HMCN1: variants seen among roughly 807,000 people sequenced by gnomAD.
HMCN1 encodes hemicentin 1.
A neutral mutation model predicts 625.9 loss-of-function variants in HMCN1; 321 were observed. The ratio of observed to expected loss-of-function variants is 0.51; its 90% CI spans 0.47 to 0.56. The LOEUF (loss-of-function observed/expected upper bound fraction) is 0.56, where lower values mean the gene tolerates loss of function less well. Ranked by LOEUF, HMCN1 falls within the 20% of genes least tolerant of loss-of-function variation. The probability of loss-of-function intolerance (pLI) is 0.00; values close to 1 mark genes in which losing one functional copy is unlikely to be tolerated. For missense variants in HMCN1, 6,588 were observed against 6,887.3 expected (o/e 0.96, Z 1.54); for synonymous variants, 2,425 against 2,417.6 (o/e 1.00, Z -0.09).
rs541063056 is a variant in HMCN1 at position 186,153,453 on chromosome 1, A to AT, written c.15019-295dup. Among the ~76,000 whole-genome samples, 30 of 152,332 alleles carry AT rather than the reference A, an allele frequency of 2.0e-4. No individual in the cohort carries two copies. The Middle Eastern group carries it at 0.014, about 69-fold the overall frequency. On this transcript the variant is annotated intron_variant, in intron 96 of 106. Transcript: ENST00000271588. ...CAAGCAGATCCACATTCAGATCCTC[A>AT]TTCCGCCACTTTGTACCAATGTAAT... is the stretch of plus-strand genomic sequence containing the variant.
chr1:185,994,749 G>A (rs181281169), intron 23 of HMCN1, 66 bp from the exon 24 acceptor site: 12 of 1,506,318 alleles, frequency 8.0e-6, no homozygotes, highest in Middle Eastern at 3.4e-4. Flanking sequence ...AGGAGCTCTC[G>A]TTTAAAGTGA....
intron 36 of HMCN1, among the ~76,000 whole-genome samples, chr1:186,030,283 T>C (rs1655334875): frequency 6.6e-6 from 1 of 152,100 alleles, no homozygotes; most frequent in African/African-American, 2.4e-5. Flanking sequence ...GAAAGTGGGA[T>C]ATCGAAGTCT....
chr1:185,968,891 A>G (rs941377613), intron 14 of HMCN1, among the ~76,000 whole-genome samples: 2 of 152,202 alleles, frequency 1.3e-5, no homozygotes, highest in African/African-American at 4.8e-5. Context: ...GTAGAAATCA[A>G]GAAAGGAGAA....
rs774288745 is a variant in HMCN1 at position 186,108,476 on chromosome 1, C to G, written c.10868C>G (p.Ala3623Gly). ...LVRVHVPPNI[A>G]GTDEPRDITV... ...TCACACCCAGTACCTCCTAATATTG[C>G]TGGAACTGATGAGCCCCGGGATATC... The change falls in exon 71 of 107, where the codon GCT becomes GGT. Residue 3623 changes from alanine to glycine, a missense_variant. Transcript: ENST00000271588. 10 of 1,613,964 alleles carry G rather than the reference C, an allele frequency of 6.2e-6. No homozygotes were observed. In the African/African-American group the frequency reaches 1.1e-4, roughly 17 times the overall value.
intron 2 of HMCN1, among the ~76,000 whole-genome samples, chr1:185,860,341 A>G (rs1662790810): frequency 1.3e-5 from 2 of 152,154 alleles, no homozygotes; most frequent in East Asian, 3.9e-4. Flanking sequence ...CAGAATAGTC[A>G]TTTTTATTAT....
intron 97 of HMCN1, among the ~76,000 whole-genome samples, chr1:186,159,047 T>C (rs931811709): frequency 9.2e-5 from 14 of 152,178 alleles, no homozygotes; most frequent in African/African-American, 3.4e-4. Flanking sequence ...ACAATATTGA[T>C]TCTTCCTACC....
At chr1:185,736,581 CT>C (rs1653591874) in intron 1 of HMCN1, among the ~76,000 whole-genome samples, 1 of 152,178 alleles carries the variant, frequency 6.6e-6, no homozygotes, top group Non-Finnish European at 1.5e-5. Context: ...CCAAAGAACT[CT>C]TATGAAATTA....
Position 185,989,539 on chromosome 1 carries a change from G to A in HMCN1, c.3100G>A (p.Gly1034Ser), listed in dbSNP as rs369245350. Residue 1034 changes from glycine to serine, a missense_variant, in exon 21 of 107, where the codon GGT becomes AGT. Gly to Ser is a moderately conservative substitution (Grantham distance 56, BLOSUM62 0). Transcript: ENST00000271588. ...SSAKFSAGAD[G>S]SLYVVSPGGE... ...TGCTAAGTTTTCAGCAGGAGCTGAT[G>A]GTAGTCTGTATGTGGTATCACCTGG... The A allele has an allele frequency of 6.2e-7, 1 of 1,613,974 alleles. No homozygotes were observed.
intron 1 of HMCN1, among the ~76,000 whole-genome samples, chr1:185,804,468 C>G (rs1392277538): frequency 6.6e-6 from 1 of 151,946 alleles, no homozygotes; most frequent in Non-Finnish European, 1.5e-5. Flanking sequence ...AAAAGGAAGC[C>G]TGATTTACTT....
Position 185,765,139 on chromosome 1 carries a change from G to A in HMCN1, c.268+30092G>A, listed in dbSNP as rs114470967. On this transcript the variant is annotated intron_variant, in intron 1 of 106. Transcript: ENST00000271588. Reference sequence around the variant, plus strand: ...GATTCCGTTTTGAGAATTTAAATTGGGAAAGATGGACATAATTAAGTATAT... The same window carrying A: ...GATTCCGTTTTGAGAATTTAAATTGAGAAAGATGGACATAATTAAGTATAT... 7.4e-3 allele frequency among the ~76,000 whole-genome samples: 1,130 copies of A among 152,170 alleles called. 9 individuals are homozygous for A. Among genetic ancestry groups the A allele is most frequent in the Middle Eastern group, 0.027 (8 of 294 alleles).
At chr1:186,101,315 A>T (rs1017661705) in intron 68 of HMCN1, among the ~76,000 whole-genome samples, 3 of 152,144 alleles carry the variant, frequency 2.0e-5, no homozygotes, top group African/African-American at 7.2e-5. Flanking sequence ...GGTATCAAGC[A>T]TGACTCTTAG....
intron 16 of HMCN1, among the ~76,000 whole-genome samples, chr1:185,979,783 G>A (rs577157670): frequency 6.6e-6 from 1 of 152,266 alleles, no homozygotes; most frequent in African/African-American, 2.4e-5. Flanking sequence ...GAGATAGTAT[G>A]GGACTATGGA....
Position 186,083,500 on chromosome 1 carries a change from TAAAAA to T in HMCN1, c.8884+553_8884+557del, listed in dbSNP as rs58407499. Among the ~76,000 whole-genome samples, 1,082 of 123,646 alleles carry T rather than the reference TAAAAA, an allele frequency of 8.8e-3. 16 individuals carry two copies. The highest frequency in any genetic ancestry group is 0.033 in the African/African-American group (1,044 of 31,876). The allele number at this position is 123,646 out of a possible 152,430, so 81.1% of individuals were successfully genotyped here. A position where few individuals can be genotyped will look rare whatever the true frequency, so the allele number is the denominator to read the frequency against. ...ACACTCCATAAATACCACTTTTTGC[TAAAAA>T]AAAAAAAAAAAAAGTAGTTGAATAT... On this transcript the variant is annotated intron_variant, in intron 57 of 106. Transcript: ENST00000271588.
At chr1:185,951,981 C>T (rs998331862) in intron 11 of HMCN1, among the ~76,000 whole-genome samples, 12 of 151,678 alleles carry the variant, frequency 7.9e-5, no homozygotes, top group Non-Finnish European at 1.2e-4. Flanking sequence ...TATTTAATGT[C>T]GGGAGCAGAT....
At position 185,804,910 on chromosome 1, in the gene HMCN1, G is replaced by A. The variant is rs529403579; in HGVS notation, c.269-41116G>A. Among the ~76,000 whole-genome samples the A allele has an allele frequency of 9.2e-5, 14 of 152,066 alleles. No individual in the cohort carries two copies. The South Asian group carries it at 2.9e-3, about 32-fold the overall frequency. ...AGAAAGTAATGTGCTTTGTATTGAG[G>A]TAATGTTTATTGACCTAGTTTTAAA... On this transcript the variant is annotated intron_variant, in intron 1 of 106. Coordinates refer to ENST00000271588, the MANE Select transcript of HMCN1 (RefSeq NM_031935.3).
At chr1:185,890,115 T>G (rs992404528) in intron 4 of HMCN1, among the ~76,000 whole-genome samples, 1 of 151,884 alleles carries the variant, frequency 6.6e-6, no homozygotes, top group Non-Finnish European at 1.5e-5. Context: ...TTTGTAGTAT[T>G]CTCTGATGGT....
At chr1:185,749,397 A>T (rs1226480260) in intron 1 of HMCN1, among the ~76,000 whole-genome samples, 2 of 152,288 alleles carry the variant, frequency 1.3e-5, no homozygotes, top group Admixed American at 1.3e-4. Flanking sequence ...CAGGGAGGCC[A>T]GGCAGGCAAC....
intron 17 of HMCN1, among the ~76,000 whole-genome samples, chr1:185,982,010 C>G (rs898045320): frequency 6.6e-6 from 1 of 152,300 alleles, no homozygotes; most frequent in African/African-American, 2.4e-5. Context: ...TTCAGGCCTT[C>G]CATGCCATAA....
In HMCN1 at chr1:186,069,655, T is replaced by C. The variant is rs781352967; in HGVS notation, c.7880-8T>C. ...TTAGAGACTCTTTGATGTCCCATGA[T>C]TTTACAGGAGGCAGAACTCTGCAGA... On this transcript the variant is annotated splice_polypyrimidine_tract_variant and splice_region_variant and intron_variant, in intron 50 of 106. Transcript: ENST00000271588. 6.3e-7 allele frequency: 1 copy of C among 1,595,922 alleles called. No individual in the cohort carries two copies. The highest frequency in any genetic ancestry group is 8.6e-7 in the Non-Finnish European group (1 of 1,165,488).
Sources: gnomAD v4.1 joint callset for allele counts (sites outside exome capture counted in the v4.1 genomes callset) on GRCh38, gnomAD v4.1.1 for gene constraint, MANE v1.5 for transcripts, NCBI Gene and HGNC (gene_info 2026-07-23, HGNC 2026-07-21) for gene names.